The following TFDP1 variants were observed in gnomAD, a reference collection of about 807,000 sequenced individuals.
TFDP1 encodes DRTF1-polypeptide 1.
TFDP1 carries 6 observed loss-of-function variants against 48.0 expected under a neutral mutation model. That is an observed-to-expected ratio of 0.13 (90% confidence interval 0.07 to 0.25). TFDP1 has a LOEUF of 0.25. TFDP1 is among the 10% of genes least tolerant of loss of function. The probability of loss-of-function intolerance (pLI) is 1.00; values close to 1 mark genes in which losing one functional copy is unlikely to be tolerated. For missense variants in TFDP1, 335 were observed against 543.0 expected, an observed-to-expected ratio of 0.62 and a Z score of 3.81; for synonymous variants, 201 against 211.6, an observed-to-expected ratio of 0.95 and a Z score of 0.44.
At chr13:113,629,754 TCGTTGTAAGTCAGTTCC>T (rs1566671494) in intron 4 of TFDP1, among the ~76,000 whole-genome samples, 12 of 145,886 alleles carry the variant, frequency 8.2e-5, no homozygotes, top group African/African-American at 2.8e-4. Flanking sequence ...TGTAAGTTCC[TCGTTGTAAGTCAGTTCC>T]TCGTTGTAAG....
chr13:113,589,105 C>T (rs2048078872), intron 2 of TFDP1, among the ~76,000 whole-genome samples: 1 of 152,046 alleles, frequency 6.6e-6, no homozygotes, highest in African/African-American at 2.4e-5. Flanking sequence ...TAGAAGGTGG[C>T]TGCCTTTGAT....
At chr13:113,599,635 T>C (rs577132487) in intron 2 of TFDP1, among the ~76,000 whole-genome samples, 2 of 152,250 alleles carry the variant, frequency 1.3e-5, no homozygotes, top group South Asian at 2.1e-4. Flanking sequence ...TGGATCAGTG[T>C]CCTGATAGCC....
In TFDP1 at chr13:113,623,969, G is replaced by C. The variant is rs1196404124; in HGVS notation, c.186+683G>C. Among the ~76,000 whole-genome samples, 1 of 152,192 alleles carries C rather than the reference G, an allele frequency of 6.6e-6. No individual in the cohort carries two copies. The highest frequency in any genetic ancestry group is 1.5e-5 in the Non-Finnish European group (1 of 68,024). ...ACCAGAAATGGGGCCCCAGGCACTT[G>C]GTGGGCAGGTTTGGCTGTGACTGGA... is the stretch of plus-strand genomic sequence containing the variant. On this transcript the variant is annotated intron_variant, in intron 4 of 11. Coordinates refer to ENST00000375370, the MANE Select transcript of TFDP1 (RefSeq NM_007111.5). This position sits in a 1 kb window ranked among gnomAD's most constrained non-coding sequence, Gnocchi z 5.2.
At chr13:113,599,631 A>G (rs2048362336) in intron 2 of TFDP1, among the ~76,000 whole-genome samples, 1 of 152,172 alleles carries the variant, frequency 6.6e-6, no homozygotes, top group Admixed American at 6.5e-5. Flanking sequence ...CTGTTGGATC[A>G]GTGTCCTGAT....
intron 3 of TFDP1, among the ~76,000 whole-genome samples, chr13:113,622,706 G>A (rs897981746): frequency 5.3e-5 from 8 of 152,186 alleles, no homozygotes; most frequent in African/African-American, 7.2e-5. Flanking sequence ...GTTTAGAGCC[G>A]CAGCCTCTGT....
intron 4 of TFDP1, 44 bp from the exon 5 acceptor site, chr13:113,631,579 T>C (rs370001344): frequency 2.8e-5 from 44 of 1,587,628 alleles, no homozygotes; most frequent in Non-Finnish European, 3.8e-5. Context: ...ACCCTCGCCG[T>C]GTGGGAGGGG....
Position 113,623,243 on chromosome 13 carries a change from C to G in TFDP1, c.143C>G (p.Pro48Arg), listed in dbSNP as rs374939623. The G allele has an allele frequency of 1.2e-6, 2 of 1,613,412 alleles. No individual in the cohort carries two copies. Among genetic ancestry groups the G allele is most frequent in the Non-Finnish European group, 8.5e-7 (1 of 1,179,774 alleles). Residue 48 changes from proline to arginine, a missense_variant, in exon 4 of 12, where the codon CCA becomes CGA. Pro to Arg is a moderately radical substitution (Grantham distance 103). Coordinates refer to ENST00000375370, the MANE Select transcript of TFDP1 (RefSeq NM_007111.5). The surrounding 1 kb of genome is among the most constrained non-coding windows in gnomAD (Gnocchi z 5.2). ...AACCCGCTCGGGAAGCAGCTCTTGC[C>G]AAAAACCTTTGGACAGTCCAATGTC... ...TVNPLGKQLL[P>R]KTFGQSNVNI... is the part of the protein sequence containing the mutation.
intron 5 of TFDP1, among the ~76,000 whole-genome samples, chr13:113,632,367 A>C (rs113833285): frequency 1.3e-3 from 194 of 152,360 alleles, no homozygotes; most frequent in African/African-American, 4.4e-3. Context: ...AAGCACACTT[A>C]GTGCTTTGCA....
At chr13:113,604,224 C>T (rs2048509351) in intron 2 of TFDP1, among the ~76,000 whole-genome samples, 2 of 151,208 alleles carry the variant, frequency 1.3e-5, no homozygotes, top group African/African-American at 4.9e-5. Context: ...TTACTGAGTT[C>T]CTGTGGGTCA....
intron 4 of TFDP1, among the ~76,000 whole-genome samples, chr13:113,625,100 C>G (rs1419769689): frequency 7.5e-6 from 1 of 133,744 alleles, no homozygotes; most frequent in Non-Finnish European, 1.6e-5. Flanking sequence ...CACGTGTCCT[C>G]AGGTGTCTCT....
intron 4 of TFDP1, among the ~76,000 whole-genome samples, chr13:113,625,469 C>T (rs1484994405): frequency 5.6e-5 from 5 of 88,948 alleles, no homozygotes; most frequent in African/African-American, 3.4e-4. Context: ...CACGTGTCCT[C>T]AGGTGTTTCT....
chr13:113,619,870 G>A (rs758133808), intron 3 of TFDP1, among the ~76,000 whole-genome samples: 28 of 152,082 alleles, frequency 1.8e-4, no homozygotes, highest in Non-Finnish European at 1.8e-4. Flanking sequence ...TGCTTGGCAA[G>A]GCCTTGGGCT....
Position 113,634,617 on chromosome 13 carries a change from A to G in TFDP1, c.687+15A>G, listed in dbSNP as rs772872802. ...TTATTCTACAGGTAAGAGAATACGTATCTGTGGAGGCAGGGTAATTTTTAT... is the reference window on the plus strand; with the variant it reads ...TTATTCTACAGGTAAGAGAATACGTGTCTGTGGAGGCAGGGTAATTTTTAT... On this transcript the variant is annotated intron_variant, in intron 8 of 11. Transcript: ENST00000375370. 8.2e-6 allele frequency: 13 copies of G among 1,591,944 alleles called. No individual in the cohort carries two copies. The Admixed American group carries it at 1.9e-4, about 24-fold the overall frequency.
intron 2 of TFDP1, among the ~76,000 whole-genome samples, chr13:113,586,415 A>C (rs1277448253): frequency 6.6e-6 from 1 of 152,184 alleles, no homozygotes; most frequent in East Asian, 1.9e-4. Flanking sequence ...CCTGCTTTGC[A>C]GTTGTCATGA....
At chr13:113,595,015 C>T (rs970938308) in intron 2 of TFDP1, among the ~76,000 whole-genome samples, 2 of 152,104 alleles carry the variant, frequency 1.3e-5, no homozygotes, top group African/African-American at 4.8e-5. Context: ...TGTGCTGTAC[C>T]TTCTGTTTCT....
chr13:113,639,767 A>C (rs949166307), intron 11 of TFDP1, among the ~76,000 whole-genome samples: 2 of 152,072 alleles, frequency 1.3e-5, no homozygotes, highest in African/African-American at 4.8e-5. Flanking sequence ...GCTGGTTATG[A>C]GTGAAAGTCC....
At chr13:113,620,977 T>C (rs1479978738) in intron 3 of TFDP1, among the ~76,000 whole-genome samples, 1 of 152,260 alleles carries the variant, frequency 6.6e-6, no homozygotes, top group East Asian at 1.9e-4. Flanking sequence ...AATTACTAAG[T>C]GTCCTTATGT....
intron 9 of TFDP1, 98 bp downstream of exon 9, chr13:113,636,226 AC>A: frequency 6.8e-7 from 1 of 1,461,544 alleles, no homozygotes; most frequent in Non-Finnish European, 9.3e-7. Context: ...TAAATGTTGT[AC>A]AAATAGCAAA....
Position 113,628,333 on chromosome 13 carries a change from T to C in TFDP1, c.187-3290T>C, listed in dbSNP as rs140558840. Among the ~76,000 whole-genome samples the C allele has an allele frequency of 4.4e-3, 669 of 152,344 alleles. 6 individuals are homozygous for C. The highest frequency in any genetic ancestry group is 0.015 in the African/African-American group (634 of 41,578). ...GCCATGTAGACTGTGTCTGAAGCCA[T>C]GTCATTTACTTTCTCTGAAGCGCAG... is the stretch of plus-strand genomic sequence containing the variant. On this transcript the variant is annotated intron_variant, in intron 4 of 11. Transcript: ENST00000375370.
Sources: allele counts gnomAD v4.1 joint callset (sites outside exome capture counted in the v4.1 genomes callset), GRCh38; gene constraint gnomAD v4.1.1; non-coding constraint Gnocchi (gnomAD v3.1); transcripts MANE v1.5; gene names NCBI Gene and HGNC (gene_info 2026-07-23, HGNC 2026-07-21).